The following LIN9 variants were observed in gnomAD, a reference collection of about 807,000 sequenced individuals.
LIN9 encodes the protein lin-9 DREAM MuvB core complex component, also known as protein lin-9 homolog.
In LIN9, 18 loss-of-function variants were observed where a neutral mutation model predicts 78.0. That is an observed-to-expected ratio of 0.23 (90% confidence interval 0.16 to 0.34). The LOEUF (loss-of-function observed/expected upper bound fraction) is 0.34, where lower values mean the gene tolerates loss of function less well. LIN9 is among the 10% of genes least tolerant of loss of function. The pLI is 1.00. For synonymous variants in LIN9, 192 were observed against 215.2 expected (o/e 0.89, Z 0.94); for missense variants, 451 against 644.1 (o/e 0.70, Z 3.25).
intron 7 of LIN9, among the ~76,000 whole-genome samples, chr1:226,274,598 G>A (rs948385159): frequency 2.0e-5 from 3 of 151,638 alleles, no homozygotes; most frequent in East Asian, 3.9e-4. Context: ...CTGTTTTTAC[G>A]GGGACTACAA....
At position 226,265,717 on chromosome 1, in the gene LIN9, G is replaced by A. The variant is rs552721494; in HGVS notation, c.937-83C>T. 53 of 727,634 alleles carry A rather than the reference G, an allele frequency of 7.3e-5. No homozygotes were observed. The highest frequency in any genetic ancestry group is 4.7e-4 in the Admixed American group (17 of 36,042). 45.1% of individuals were successfully genotyped at this position (727,634 alleles called of 1,614,324 possible). On this transcript the variant is annotated intron_variant, in intron 9 of 14. Transcript: ENST00000681046. The surrounding 1 kb of genome is among the most constrained non-coding windows in gnomAD (Gnocchi z 4.1). ...TTTTTATTTTTATTTTTTTTTAGACGGAGTCTCGCTCTGTTGCCACTTGTG... is the reference window on the plus strand; with the variant it reads ...TTTTTATTTTTATTTTTTTTTAGACAGAGTCTCGCTCTGTTGCCACTTGTG...
intron 10 of LIN9, among the ~76,000 whole-genome samples, chr1:226,254,542 C>T (rs58368978): frequency 0.011 from 1,649 of 152,102 alleles, 35 homozygotes; most frequent in African/African-American, 0.038. Flanking sequence ...TTTCAGTTTA[C>T]AGTCTGGGAT....
intron 6 of LIN9, 117 bp from the exon 7 acceptor site, chr1:226,278,049 GTGGCACAATCT>G: frequency 7.6e-6 from 6 of 785,706 alleles, no homozygotes; most frequent in Non-Finnish European, 1.2e-5. Context: ...CTGGAGTGCA[GTGGCACAATCT>G]TGGCTCACTG....
intron 4 of LIN9, among the ~76,000 whole-genome samples, chr1:226,290,733 T>C (rs550420367): frequency 6.6e-6 from 1 of 152,240 alleles, no homozygotes; most frequent in South Asian, 2.1e-4. Flanking sequence ...CTAATATATA[T>C]AAACCAGTAC....
In LIN9 at chr1:226,309,092, T is replaced by C; in HGVS notation, c.31+17A>G. 2 of 1,312,062 alleles carry C rather than the reference T, an allele frequency of 1.5e-6. No homozygotes were observed. Among genetic ancestry groups the C allele is most frequent in the Non-Finnish European group, 2.0e-6 (2 of 1,020,868 alleles). 81.3% of individuals were successfully genotyped at this position (1,312,062 alleles called of 1,614,324 possible). ...AGCAGGCGGGAAAAGGGGGGGGTGCTTTGAGGTGCTACTCACTCTCGTCAG... is the reference window on the plus strand; with the variant it reads ...AGCAGGCGGGAAAAGGGGGGGGTGCCTTGAGGTGCTACTCACTCTCGTCAG... On this transcript the variant is annotated intron_variant, in intron 1 of 14. Transcript: ENST00000681046.
At chr1:226,232,764 G>T in intron 14 of LIN9, 158 bp from the exon 15 acceptor site, 1 of 527,320 alleles carries the variant, frequency 1.9e-6, no homozygotes, top group Non-Finnish European at 3.3e-6. Context: ...TACTTCAGTA[G>T]TAGTTGAACA....
chr1:226,309,563 A>G (rs1479854288), upstream of LIN9: 3 of 1,175,880 alleles, frequency 2.6e-6, no homozygotes, highest in African/African-American at 1.6e-5. Context: ...CGGCGGGGGG[A>G]AAGAAGCCCT....
chr1:226,252,219 T>G (rs1200585056), intron 10 of LIN9, among the ~76,000 whole-genome samples: 1 of 151,626 alleles, frequency 6.6e-6, no homozygotes, highest in Non-Finnish European at 1.5e-5. Flanking sequence ...AGGTGGAGGA[T>G]GCAGTGAACT....
intron 1 of LIN9, 134 bp downstream of exon 1, chr1:226,308,975 G>A (rs1442248294): frequency 1.1e-5 from 9 of 831,396 alleles, no homozygotes; most frequent in African/African-American, 3.6e-5. Flanking sequence ...GGAGTGGGAG[G>A]ACTAGGGGAC....
At chr1:226,286,231 G>T in intron 6 of LIN9, 102 bp downstream of exon 6, 1 of 1,278,656 alleles carries the variant, frequency 7.8e-7, no homozygotes, top group Non-Finnish European at 1.1e-6. Flanking sequence ...CTGGCCTTAA[G>T]CAAATACCCC....
intron 10 of LIN9, among the ~76,000 whole-genome samples, chr1:226,260,408 T>G (rs1659487547): frequency 6.6e-6 from 1 of 152,074 alleles, no homozygotes; most frequent in South Asian, 2.1e-4. Context: ...CACAATGGAA[T>G]GTACTCATAG....
chr1:226,244,328 A>G (rs1450893554), intron 11 of LIN9, among the ~76,000 whole-genome samples: 1 of 152,038 alleles, frequency 6.6e-6, no homozygotes, highest in Non-Finnish European at 1.5e-5. Context: ...GCTACTCGGG[A>G]GGCTGAGGCA....
chr1:226,250,993 T>C (rs1038944240), intron 10 of LIN9, 74 bp from the exon 11 acceptor site: 11 of 715,390 alleles, frequency 1.5e-5, no homozygotes, highest in Non-Finnish European at 2.6e-5. Context: ...AAATTTCCAA[T>C]ATTTTAGTAA....
Position 226,233,078 on chromosome 1 carries a change from G to A in LIN9, c.1523+18C>T, listed in dbSNP as rs776564111. On this transcript the variant is annotated intron_variant, in intron 14 of 14. Transcript: ENST00000681046. ...TGAACTTCACATTAAAATGATTAGA[G>A]TATACCTAACGAATTACCTGATATT... The A allele has an allele frequency of 7.1e-7, 1 of 1,413,896 alleles. No homozygotes were observed. The highest frequency in any genetic ancestry group is 2.3e-5 in the East Asian group (1 of 43,656). The allele number at this position is 1,413,896 out of a possible 1,614,324, so 87.6% of individuals were successfully genotyped here.
chr1:226,309,210 C>A (rs770101794), upstream of LIN9: 17 of 1,454,834 alleles, frequency 1.2e-5, no homozygotes, highest in Non-Finnish European at 1.6e-5. Flanking sequence ...ACTGTCTTTG[C>A]GAGGGAGGTT....
intron 11 of LIN9, among the ~76,000 whole-genome samples, chr1:226,250,292 T>A (rs754995907): frequency 6.6e-6 from 1 of 152,116 alleles, no homozygotes; most frequent in Non-Finnish European, 1.5e-5. Flanking sequence ...GATGACAACA[T>A]AGATATTTCC....
intron 6 of LIN9, among the ~76,000 whole-genome samples, chr1:226,280,111 T>G (rs530692355): frequency 6.6e-6 from 1 of 152,210 alleles, no homozygotes; most frequent in Non-Finnish European, 1.5e-5. Context: ...CTGAATTCCC[T>G]CTTATTTCTA....
At chr1:226,278,696 C>T (rs978209680) in intron 6 of LIN9, among the ~76,000 whole-genome samples, 10 of 151,398 alleles carry the variant, frequency 6.6e-5, no homozygotes, top group African/African-American at 2.2e-4. Context: ...TGGTGGCAGG[C>T]GCCTATAATC....
rs938275195 is a variant in LIN9, at chr1:226,287,650, G to T, written c.398+14C>A. 1.3e-6 allele frequency: 2 copies of T among 1,498,458 alleles called. No homozygotes were observed. Among genetic ancestry groups the T allele is most frequent in the Non-Finnish European group, 1.8e-6 (2 of 1,121,276 alleles). The allele number at this position is 1,498,458 out of a possible 1,614,324, so 92.8% of individuals were successfully genotyped here. On this transcript the variant is annotated intron_variant, in intron 5 of 14. Transcript: ENST00000681046. ...GATTCAAGTAATATTCATAATATAA[G>T]CCATGATACATACTTATCTATATTT...
Sources: allele counts gnomAD v4.1 joint callset (sites outside exome capture counted in the v4.1 genomes callset), GRCh38; gene constraint gnomAD v4.1.1; non-coding constraint Gnocchi (gnomAD v3.1); transcripts MANE v1.5; gene names NCBI Gene and HGNC (gene_info 2026-07-23, HGNC 2026-07-21).